Variants in FOXN3 observed in about 807,000 individuals in gnomAD.
FOXN3 encodes the protein forkhead box protein N3.
Under a neutral mutation model 38.4 loss-of-function variants are expected in FOXN3, and 7 were observed. The observed-to-expected ratio is 0.18, with a 90% CI of 0.10 to 0.34. The LOEUF (loss-of-function observed/expected upper bound fraction) is 0.34. FOXN3 is among the 10% of genes least tolerant of loss of function. The probability of loss-of-function intolerance (pLI) is 1.00; values close to 1 mark genes in which losing one functional copy is unlikely to be tolerated. For synonymous variants in FOXN3, 230 were observed against 242.2 expected, an observed-to-expected ratio of 0.95 and a Z score of 0.47; for missense variants, 456 against 613.4, an observed-to-expected ratio of 0.74 and a Z score of 2.71.
chr14:89,364,073 T>C (rs1890051457), intron 2 of FOXN3, among the ~76,000 whole-genome samples: 1 of 148,170 alleles, frequency 6.7e-6, no homozygotes, highest in Non-Finnish European at 1.5e-5. Flanking sequence ...TTCTATCATT[T>C]ACAGTCTAAC....
At chr14:89,544,512 T>A (rs1444931133) in intron 1 of FOXN3, among the ~76,000 whole-genome samples, 1 of 152,146 alleles carries the variant, frequency 6.6e-6, no homozygotes, top group African/African-American at 2.4e-5. Context: ...AAACCCTTAC[T>A]AAGGGTTCTG....
At chr14:89,335,425 TG>T (rs1888420140) in intron 3 of FOXN3, among the ~76,000 whole-genome samples, 1 of 152,246 alleles carries the variant, frequency 6.6e-6, no homozygotes, top group Non-Finnish European at 1.5e-5. Flanking sequence ...AGTGGTCTAT[TG>T]AACTTGGCAC....
intron 1 of FOXN3, among the ~76,000 whole-genome samples, chr14:89,518,949 A>G (rs1191630137): frequency 6.6e-6 from 1 of 152,170 alleles, no homozygotes; most frequent in Non-Finnish European, 1.5e-5. Flanking sequence ...CGGGAGGTGG[A>G]GGTTGCGGTG....
intron 1 of FOXN3, among the ~76,000 whole-genome samples, chr14:89,504,414 C>A (rs1566678162): frequency 1.3e-5 from 2 of 152,226 alleles, no homozygotes; most frequent in African/African-American, 4.8e-5. Flanking sequence ...AATCTTTTAC[C>A]TCCTTGTTGG....
chr14:89,230,309 A>G (rs751356050), intron 4 of FOXN3, among the ~76,000 whole-genome samples: 1 of 152,210 alleles, frequency 6.6e-6, no homozygotes, highest in Admixed American at 6.5e-5. Context: ...CTGAATGGAC[A>G]ATCCCTCTTA....
At chr14:89,552,371 T>C (rs56320528) in intron 1 of FOXN3, among the ~76,000 whole-genome samples, 5,695 of 152,332 alleles carry the variant, frequency 0.037, 334 homozygotes, top group African/African-American at 0.13. Context: ...CTCTGACTTA[T>C]ACATAAGAAT....
chr14:89,402,360 CT>C (rs747423356), intron 2 of FOXN3, among the ~76,000 whole-genome samples: 7 of 152,236 alleles, frequency 4.6e-5, no homozygotes, highest in Non-Finnish European at 1.0e-4. Flanking sequence ...TTTACATAAC[CT>C]TCCAGCCACC....
intron 1 of FOXN3, among the ~76,000 whole-genome samples, chr14:89,469,624 G>A (rs902312965): frequency 2.0e-5 from 3 of 152,192 alleles, no homozygotes; most frequent in Non-Finnish European, 4.4e-5. Context: ...CTTGGAGTAG[G>A]AAATGGGTCT....
intron 1 of FOXN3, among the ~76,000 whole-genome samples, chr14:89,578,202 A>C (rs938865137): frequency 1.3e-5 from 2 of 152,102 alleles, no homozygotes; most frequent in African/African-American, 4.8e-5. Flanking sequence ...GAAGAAACTA[A>C]CTCTCTTTGA....
chr14:89,570,689 T>TG (rs907453195), intron 1 of FOXN3, among the ~76,000 whole-genome samples: 15 of 108,810 alleles, frequency 1.4e-4, no homozygotes, highest in African/African-American at 4.3e-4. Context: ...GCAATTTTGG[T>TG]TTTTTTTTTT....
chr14:89,324,455 T>C lies in FOXN3; in HGVS notation c.680+26217A>G, dbSNP rs564141114. Among the ~76,000 whole-genome samples the C allele has an allele frequency of 1.2e-3, 172 of 141,676 alleles. 2 individuals carry two copies. Among genetic ancestry groups the C allele is most frequent in the African/African-American group, 4.7e-3 (163 of 34,372 alleles). The allele number at this position is 141,676 out of a possible 152,430, so 92.9% of individuals were successfully genotyped here. ...AGCTAAGTGTGTGCGTGTGTGTGTG[T>C]GTGTGTGTGTGTGTGTGTGTGTGTG... On this transcript the variant is annotated intron_variant, in intron 3 of 5. Transcript: ENST00000557258.
chr14:89,362,734 T>C (rs61984666), intron 2 of FOXN3, among the ~76,000 whole-genome samples: 1 of 6,106 alleles, frequency 1.6e-4, no homozygotes, highest in African/African-American at 4.5e-4. Flanking sequence ...CACCACCACC[T>C]CCACCACCAT....
chr14:89,411,187 A>C (rs1891536194), intron 2 of FOXN3, among the ~76,000 whole-genome samples: 1 of 152,234 alleles, frequency 6.6e-6, no homozygotes. Context: ...CTAATGACTG[A>C]TGATCTGAAG....
intron 1 of FOXN3, among the ~76,000 whole-genome samples, chr14:89,467,183 G>A (rs1251221869): frequency 2.0e-5 from 3 of 152,152 alleles, no homozygotes; most frequent in Non-Finnish European, 2.9e-5. Context: ...CTCTCTGCTA[G>A]GGAAGAAAGT....
At position 89,544,837 on chromosome 14, in the gene FOXN3, G is replaced by A. The variant is rs371486036; in HGVS notation, c.-15+74191C>T. Among the ~76,000 whole-genome samples the A allele has an allele frequency of 5.9e-5, 9 of 152,268 alleles. 1 individual carries two copies. The highest frequency in any genetic ancestry group is 3.4e-3 in the Middle Eastern group (1 of 294). On this transcript the variant is annotated intron_variant, in intron 1 of 6. Coordinates refer to the FOXN3 transcript ENST00000345097. Reference sequence around the variant, plus strand: ...ATTCATGCACCGGGCAAGACAGAGCGGGACAGCACGAGATTTCATCACAAT... The same window carrying A: ...ATTCATGCACCGGGCAAGACAGAGCAGGACAGCACGAGATTTCATCACAAT...
chr14:89,161,596 T>TGTGTGC lies in FOXN3; in HGVS notation c.*817_*818insGCACAC, dbSNP rs61390956. 0.036 allele frequency: 4,862 copies of TGTGTGC among 136,618 alleles called. 140 individuals are homozygous for TGTGTGC. The highest frequency in any genetic ancestry group is 0.049 in the Non-Finnish European group (3,090 of 62,720). The allele number at this position is 136,618 out of a possible 1,614,324, so 8.5% of individuals were successfully genotyped here. ...GTGTGTGTGTGTGTGTGTGTGTGTGTGCGTGCGTGCACAGGGCCAATCTTC... is the reference window on the plus strand; with the variant it reads ...GTGTGTGTGTGTGTGTGTGTGTGTGTGTGTGCGCGTGCGTGCACAGGGCCAATCTTC... On this transcript the variant is annotated 3_prime_UTR_variant, in exon 6 of 6. Coordinates refer to ENST00000557258, the MANE Select transcript of FOXN3 (RefSeq NM_005197.4).
chr14:89,570,713 A>G (rs1327778491), intron 1 of FOXN3, among the ~76,000 whole-genome samples: 1 of 151,286 alleles, frequency 6.6e-6, no homozygotes, highest in African/African-American at 2.4e-5. Flanking sequence ...CTCATTAGCT[A>G]TCATTACTGT....
At chr14:89,205,502 C>T (rs1888357385) in intron 4 of FOXN3, among the ~76,000 whole-genome samples, 1 of 152,242 alleles carries the variant, frequency 6.6e-6, no homozygotes, top group African/African-American at 2.4e-5. Flanking sequence ...CCCTAGTAGG[C>T]ACTGACGTAA....
intron 1 of FOXN3, among the ~76,000 whole-genome samples, chr14:89,547,413 C>T (rs243173): frequency 0.26 from 40,146 of 151,862 alleles, 5,714 homozygotes; most frequent in East Asian, 0.46. Context: ...TGCCACCATG[C>T]GTGGCTAATT....
Sources: gnomAD v4.1 joint callset for allele counts (sites outside exome capture counted in the v4.1 genomes callset) on GRCh38, gnomAD v4.1.1 for gene constraint, MANE v1.5 for transcripts, NCBI Gene and HGNC (gene_info 2026-07-23, HGNC 2026-07-21) for gene names.